Variants in STS observed in about 807,000 individuals in gnomAD.
STS encodes the protein steroid sulfatase.
Under a neutral mutation model 26.8 loss-of-function variants are expected in STS, and 7 were observed. The observed-to-expected ratio is 0.26, with a 90% CI of 0.15 to 0.49. The LOEUF is 0.49. Among genes scored for constraint, STS ranks in the 20% least tolerant of loss-of-function variants. STS has a pLI of 0.98. For missense variants in STS, 434 were observed against 465.6 expected (o/e 0.93, Z 0.63); for synonymous variants, 199 against 189.4 (o/e 1.05, Z -0.42).
intron 2 of STS, among the ~76,000 whole-genome samples, chrX:7,248,209 G>T (rs1387115281): frequency 8.9e-6 from 1 of 111,968 alleles, no homozygotes; most frequent in Admixed American, 9.5e-5. Flanking sequence ...GTGAATTGTT[G>T]CCACAATAAT....
intron 2 of STS, among the ~76,000 whole-genome samples, chrX:7,191,806 C>T (rs1395016294): frequency 8.9e-6 from 1 of 112,094 alleles, no homozygotes; most frequent in Non-Finnish European, 1.9e-5. Context: ...CCAGGTCCCT[C>T]CCTGCAGGAA....
chrX:7,186,647 T>C (rs1439157787), intron 1 of STS, among the ~76,000 whole-genome samples: 1 of 112,321 alleles, frequency 8.9e-6, no homozygotes, highest in East Asian at 2.8e-4. Flanking sequence ...TCTCCTAAGA[T>C]GGAGTCACTT....
rs1257788652 is a variant in STS at position 7,194,897 on chromosome X, A to G, written c.-5+3889A>G. Among the ~76,000 whole-genome samples, 26 of 111,659 alleles carry G rather than the reference A, an allele frequency of 2.3e-4. 1 individual carries two copies. The Admixed American group carries it at 2.5e-3, about 11-fold the overall frequency. ...TCACACAAACCTACTATACACGCAG[A>G]CTGTATGGTATGGCCTATTGCTCCT... On this transcript the variant is annotated intron_variant, in intron 2 of 10. Transcript: ENST00000674429.
chrX:7,183,415 A>T (rs748347132), intron 1 of STS, among the ~76,000 whole-genome samples: 1 of 111,846 alleles, frequency 8.9e-6, no homozygotes, highest in South Asian at 3.8e-4. Context: ...GGGAGACAAG[A>T]TGTAAATGCC....
intron 6 of STS, among the ~76,000 whole-genome samples, chrX:7,273,190 C>A (rs985545902): frequency 1.8e-5 from 2 of 111,422 alleles, no homozygotes; most frequent in Non-Finnish European, 3.8e-5. Flanking sequence ...CCAGACCCTA[C>A]AACCATGCCT....
intron 7 of STS, among the ~76,000 whole-genome samples, chrX:7,280,647 A>T (rs375778065): frequency 9.0e-6 from 1 of 111,699 alleles, no homozygotes. Flanking sequence ...GGAAGGATGG[A>T]TGTAGTTCTC....
intron 8 of STS, among the ~76,000 whole-genome samples, chrX:7,315,705 T>C (rs1411259297): frequency 1.8e-5 from 2 of 111,394 alleles, no homozygotes; most frequent in Non-Finnish European, 3.8e-5. Flanking sequence ...TGGAGTCTGA[T>C]ATTCAAGGAC....
intron 10 of STS, among the ~76,000 whole-genome samples, chrX:7,341,629 G>T (rs1297940546): frequency 8.9e-6 from 1 of 111,737 alleles, no homozygotes; most frequent in African/African-American, 3.3e-5. Flanking sequence ...CTTCAGGCTG[G>T]AGATGGTGCA....
chrX:7,266,269 C>G (rs922373471), intron 6 of STS, among the ~76,000 whole-genome samples: 3 of 111,814 alleles, frequency 2.7e-5, no homozygotes, highest in Non-Finnish European at 5.6e-5. Context: ...AAATTTATAG[C>G]CTTTCTCTAC....
rs1284936633 is a variant in STS, at chrX:7,167,360, C to T, written c.-134+19277C>T. Among the ~76,000 whole-genome samples, 8 of 109,924 alleles carry T rather than the reference C, an allele frequency of 7.3e-5. No homozygotes were observed. In the East Asian group the frequency reaches 1.2e-3, roughly 16 times the overall value. On this transcript the variant is annotated intron_variant, in intron 1 of 10. Transcript: ENST00000674429. ...ACTCCCAAGTAGCTGGGACTACAGG[C>T]GTGTGCCACCACGCCCAGCTAATTT...
At chrX:7,252,898 A>G (rs1218408715) in intron 2 of STS, among the ~76,000 whole-genome samples, 1 of 111,650 alleles carries the variant, frequency 9.0e-6, no homozygotes, top group Non-Finnish European at 1.9e-5. Flanking sequence ...CAGGCCTGTA[A>G]TCAGCACTTT....
chrX:7,161,379 A>G (rs1203430528), intron 1 of STS, among the ~76,000 whole-genome samples: 1 of 112,298 alleles, frequency 8.9e-6, no homozygotes, highest in East Asian at 2.8e-4. Context: ...GAACTAGGTT[A>G]ACTGAAGAAT....
rs1928857804 is a variant in STS at position 7,352,787 on chromosome X, A to ACGT, written c.*2527_*2529dup. The ACGT allele has an allele frequency of 9.0e-6, 1 of 110,952 alleles. No homozygotes were observed. Among genetic ancestry groups the ACGT allele is most frequent in the Non-Finnish European group, 1.9e-5 (1 of 53,066 alleles). The allele number at this position is 110,952 out of a possible 1,213,427, so 9.1% of individuals were successfully genotyped here. A position where few individuals can be genotyped will look rare whatever the true frequency, so the allele number is the denominator to read the frequency against. On this transcript the variant is annotated 3_prime_UTR_variant, in exon 11 of 11. Transcript: ENST00000674429. ...TAAAAGTTAAGCAAATAGATTAATG[A>ACGT]CGTATACATAGGCATCATTTCACAA...
chrX:7,164,376 G>T (rs142561332), intron 1 of STS, among the ~76,000 whole-genome samples: 29 of 111,514 alleles, frequency 2.6e-4, no homozygotes, highest in African/African-American at 9.4e-4. Flanking sequence ...TTTGGTTTAT[G>T]GTATCATCAT....
chrX:7,199,339 T>C (rs1367930507), intron 2 of STS, among the ~76,000 whole-genome samples: 1 of 111,975 alleles, frequency 8.9e-6, no homozygotes, highest in Non-Finnish European at 1.9e-5. Flanking sequence ...TTTACAATAA[T>C]AATCAGTTGA....
intron 7 of STS, among the ~76,000 whole-genome samples, chrX:7,289,905 T>G (rs1240096885): frequency 3.6e-5 from 4 of 111,582 alleles, no homozygotes; most frequent in African/African-American, 9.8e-5. Context: ...TTCACCCACC[T>G]CAGCCTCCCA....
At position 7,221,611 on chromosome X, in the gene STS, G is replaced by A. The variant is rs142461139; in HGVS notation, c.-5+30603G>A. ...GCTCAAGATGGCACCAAAAGTTCACGGTTTAGCTTCCTAAGTGCACAGGAA... is the reference window on the plus strand; with the variant it reads ...GCTCAAGATGGCACCAAAAGTTCACAGTTTAGCTTCCTAAGTGCACAGGAA... On this transcript the variant is annotated intron_variant, in intron 2 of 10. Transcript: ENST00000674429. Among the ~76,000 whole-genome samples, 122 of 111,912 alleles carry A rather than the reference G, an allele frequency of 1.1e-3. 1 individual carries two copies. Among genetic ancestry groups the A allele is most frequent in the African/African-American group, 3.7e-3 (114 of 30,819 alleles).
intron 8 of STS, among the ~76,000 whole-genome samples, chrX:7,307,417 TG>T (rs1926273384): frequency 9.0e-6 from 1 of 111,139 alleles, no homozygotes. Flanking sequence ...GGTTTTGCAG[TG>T]GGAGAAAGGA....
intron 5 of STS, among the ~76,000 whole-genome samples, 173 bp downstream of exon 5, chrX:7,257,761 T>G (rs1000259667): frequency 2.7e-5 from 3 of 111,691 alleles, no homozygotes; most frequent in African/African-American, 9.8e-5. Flanking sequence ...AATTGTAGGT[T>G]AAAACACAAT....
Sources: allele counts gnomAD v4.1 joint callset (sites outside exome capture counted in the v4.1 genomes callset), GRCh38; gene constraint gnomAD v4.1.1; transcripts MANE v1.5; gene names NCBI Gene and HGNC (gene_info 2026-07-23, HGNC 2026-07-21).